CDIN1: variants seen among roughly 807,000 people sequenced by gnomAD.
CDIN1 encodes CDAN1-interacting nuclease 1.
A neutral mutation model predicts 45.3 loss-of-function variants in CDIN1; 33 were observed. The observed-to-expected ratio is 0.73, with a 90% confidence interval of 0.55 to 0.97. CDIN1 has a LOEUF of 0.97. Among genes scored for constraint, CDIN1 ranks in the 50% least tolerant of loss-of-function variants. CDIN1 has a pLI of 0.00. For synonymous variants in CDIN1, 118 were observed against 124.4 expected, an observed-to-expected ratio of 0.95 and a Z score of 0.34; for missense variants, 303 against 339.4, an observed-to-expected ratio of 0.89 and a Z score of 0.84.
intron 5 of CDIN1, among the ~76,000 whole-genome samples, chr15:36,671,251 T>C (rs1223036871): frequency 1.3e-5 from 2 of 152,110 alleles, no homozygotes; most frequent in African/African-American, 2.4e-5. Flanking sequence ...AAACCATTCA[T>C]CTGTTGCGTG....
At chr15:36,679,644 A>G (rs1231245920) in intron 5 of CDIN1, among the ~76,000 whole-genome samples, 1 of 152,202 alleles carries the variant, frequency 6.6e-6, no homozygotes, top group Non-Finnish European at 1.5e-5. Flanking sequence ...GAAGATGTAA[A>G]TAAAAATATT....
At chr15:36,597,161 C>T (rs1187538702) in intron 1 of CDIN1, among the ~76,000 whole-genome samples, 2 of 152,126 alleles carry the variant, frequency 1.3e-5, no homozygotes, top group Non-Finnish European at 2.9e-5. Flanking sequence ...TTGTTTATCC[C>T]TTTAAGTGCC....
At position 36,808,639 on chromosome 15, in the gene CDIN1, G is replaced by GTTCAC; in HGVS notation, c.*186_*187insTTCAC. 1 of 757,282 alleles carries GTTCAC rather than the reference G, an allele frequency of 1.3e-6. No homozygotes were observed. The highest frequency in any genetic ancestry group is 2.1e-6 in the Non-Finnish European group (1 of 480,268). The allele number at this position is 757,282 out of a possible 1,614,324, so 46.9% of individuals were successfully genotyped here. ...TTTCTGTTTTCCTTCATCCCTTGCT[G>GTTCAC]ATGTGAACAGCCAAGAACTACAGAC... On this transcript the variant is annotated 3_prime_UTR_variant, in exon 11 of 11. Transcript: ENST00000566621.
At chr15:36,709,602 G>A (rs1213840289) in intron 9 of CDIN1, among the ~76,000 whole-genome samples, 7 of 152,190 alleles carry the variant, frequency 4.6e-5, no homozygotes, top group African/African-American at 1.4e-4. Context: ...GGCACTTGTC[G>A]AGTTATACAG....
At chr15:36,643,910 C>T (rs1470624979) in intron 1 of CDIN1, among the ~76,000 whole-genome samples, 1 of 152,174 alleles carries the variant, frequency 6.6e-6, no homozygotes, top group Non-Finnish European at 1.5e-5. Flanking sequence ...AGTGCATGTT[C>T]TCTACTGTTT....
chr15:36,754,275 C>T (rs7164488), intron 10 of CDIN1, among the ~76,000 whole-genome samples: 2,129 of 152,178 alleles, frequency 0.014, 46 homozygotes, highest in African/African-American at 0.049. Context: ...ATGGAAAGTA[C>T]ACTATTTCAC....
intron 10 of CDIN1, among the ~76,000 whole-genome samples, chr15:36,710,209 C>G (rs2043006923): frequency 6.6e-6 from 1 of 151,998 alleles, no homozygotes; most frequent in African/African-American, 2.4e-5. Flanking sequence ...ATTCATTTTA[C>G]AATAATATTG....
At chr15:36,701,362 C>T (rs995292056) in intron 8 of CDIN1, among the ~76,000 whole-genome samples, 3 of 151,972 alleles carry the variant, frequency 2.0e-5, no homozygotes, top group Non-Finnish European at 4.4e-5. Context: ...GACATGTTAA[C>T]TAGTATCTCT....
chr15:36,581,400 CACTT>C (rs1230926583), intron 1 of CDIN1, among the ~76,000 whole-genome samples: 1 of 152,308 alleles, frequency 6.6e-6, no homozygotes, highest in African/African-American at 2.4e-5. Flanking sequence ...CTTTAATCAA[CACTT>C]ACAAAAGCCT....
At chr15:36,729,240 T>G (rs1884822780) in intron 10 of CDIN1, among the ~76,000 whole-genome samples, 1 of 152,166 alleles carries the variant, frequency 6.6e-6, no homozygotes, top group South Asian at 2.1e-4. Context: ...AACTAGTACT[T>G]TCTAGTAGGT....
Position 36,808,397 on chromosome 15 carries a change from C to G in CDIN1, c.790C>G (p.Leu264Val), listed in dbSNP as rs1595632209. 1 of 1,613,608 alleles carries G rather than the reference C, an allele frequency of 6.2e-7. No individual in the cohort carries two copies. Among genetic ancestry groups the G allele is most frequent in the African/African-American group, 1.3e-5 (1 of 75,016 alleles). Residue 264 changes from leucine to valine, a missense_variant, in exon 11 of 11, where the codon CTG becomes GTG. Leu to Val is a conservative substitution (Grantham distance 32). Transcript: ENST00000566621. Reference sequence around the variant, plus strand: ...GGACTGCAACCGGGAAAGGGGCATCCTGCTCAAAGCCTGTTTCCCCACGAA... The same window carrying G: ...GGACTGCAACCGGGAAAGGGGCATCGTGCTCAAAGCCTGTTTCCCCACGAA... ...ELDCNRERGI[L>V]LKACFPTNIV... is the part of the protein sequence containing the mutation.
chr15:36,743,884 A>C (rs2140947376), intron 10 of CDIN1, among the ~76,000 whole-genome samples: 1 of 152,068 alleles, frequency 6.6e-6, no homozygotes, highest in East Asian at 1.9e-4. Flanking sequence ...GGGAGAACCT[A>C]TCTAAAACAA....
chr15:36,720,263 T>C (rs2043363197), intron 10 of CDIN1, among the ~76,000 whole-genome samples: 1 of 148,708 alleles, frequency 6.7e-6, no homozygotes, highest in African/African-American at 2.4e-5. Context: ...ATTATTTATT[T>C]ATTTATTTAT....
chr15:36,739,438 A>C (rs1783954846), intron 10 of CDIN1, among the ~76,000 whole-genome samples: 1 of 151,978 alleles, frequency 6.6e-6, no homozygotes, highest in South Asian at 2.1e-4. Flanking sequence ...AAACAAAACA[A>C]AACAAAAAAC....
chr15:36,609,429 A>G (rs747533164), intron 1 of CDIN1, among the ~76,000 whole-genome samples: 13 of 152,216 alleles, frequency 8.5e-5, no homozygotes, highest in Non-Finnish European at 1.6e-4. Context: ...AAAAATAACT[A>G]TAATTGTAAA....
intron 10 of CDIN1, among the ~76,000 whole-genome samples, chr15:36,721,572 T>C (rs528974747): frequency 1.3e-5 from 2 of 152,318 alleles, no homozygotes; most frequent in Admixed American, 6.5e-5. Context: ...ATTTATGTTA[T>C]GGCTCAGACT....
chr15:36,764,530 G>T lies in CDIN1; in HGVS notation c.717-43794G>T, dbSNP rs144487195. Among the ~76,000 whole-genome samples the T allele has an allele frequency of 6.5e-3, 997 of 152,268 alleles. 6 individuals are homozygous for T. The highest frequency in any genetic ancestry group is 0.01 in the Non-Finnish European group (685 of 68,022). On this transcript the variant is annotated intron_variant, in intron 10 of 10. Coordinates refer to ENST00000566621, the MANE Select transcript of CDIN1 (RefSeq NM_001321759.2). ...AAAGAATGCGTTTATCTGCTACATA[G>T]AATCTTTGTGTTTGTTTATTCCCTG...
chr15:36,626,575 A>G, intron 1 of CDIN1: 1 of 249,076 alleles, frequency 4.0e-6, no homozygotes. Flanking sequence ...TGTTTTGGCG[A>G]CTAATAGCAA....
At chr15:36,763,530 G>A (rs1458767621) in intron 10 of CDIN1, among the ~76,000 whole-genome samples, 1 of 152,042 alleles carries the variant, frequency 6.6e-6, no homozygotes, top group Non-Finnish European at 1.5e-5. Flanking sequence ...AGGAACCCAA[G>A]GTGTCAAAAC....
Sources: allele counts gnomAD v4.1 joint callset (sites outside exome capture counted in the v4.1 genomes callset), GRCh38; gene constraint gnomAD v4.1.1; transcripts MANE v1.5; gene names NCBI Gene and HGNC (gene_info 2026-07-23, HGNC 2026-07-21).